NTM: variants seen among roughly 807,000 people sequenced by gnomAD.
NTM encodes the protein IgLON family member 2.
Under a neutral mutation model 42.1 loss-of-function variants are expected in NTM, and 13 were observed. The observed-to-expected ratio is 0.31, with a 90% CI of 0.20 to 0.49. The LOEUF (loss-of-function observed/expected upper bound fraction) is 0.49. Ranked by LOEUF, NTM falls within the 20% of genes least tolerant of loss-of-function variation. The probability of loss-of-function intolerance (pLI) is 0.99; values close to 1 mark genes in which losing one functional copy is unlikely to be tolerated. For synonymous variants in NTM, 187 were observed against 179.2 expected, an observed-to-expected ratio of 1.04 and a Z score of -0.35; for missense variants, 373 against 452.8, an observed-to-expected ratio of 0.82 and a Z score of 1.60.
At chr11:132,200,898 A>G (rs2138455466) in intron 3 of NTM, among the ~76,000 whole-genome samples, 1 of 152,336 alleles carries the variant, frequency 6.6e-6, no homozygotes, top group East Asian at 1.9e-4. Context: ...TGACCTATAC[A>G]TACATACTTA....
At chr11:131,916,424 G>A (rs538148) in intron 2 of NTM, among the ~76,000 whole-genome samples, 47,481 of 152,066 alleles carry the variant, frequency 0.31, 9,292 homozygotes, top group East Asian at 0.73. Flanking sequence ...GCATTCCATC[G>A]CGCCTCTAGA....
intron 1 of NTM, among the ~76,000 whole-genome samples, chr11:131,633,690 T>C (rs1175555264): frequency 5.6e-5 from 6 of 107,688 alleles, no homozygotes; most frequent in Admixed American, 9.5e-5. Flanking sequence ...TCTCTCTCTC[T>C]CTCCCTCCCT....
intron 2 of NTM, among the ~76,000 whole-genome samples, chr11:131,925,601 T>C (rs2057840309): frequency 6.6e-6 from 1 of 151,816 alleles, no homozygotes; most frequent in South Asian, 2.1e-4. Flanking sequence ...GCCGAGGAGG[T>C]CTCAGACTCC....
intron 1 of NTM, among the ~76,000 whole-genome samples, chr11:131,883,884 GC>G (rs2049945708): frequency 6.6e-6 from 1 of 152,288 alleles, no homozygotes; most frequent in East Asian, 1.9e-4. Context: ...TGGCCAGATG[GC>G]ATTGAATGGG....
chr11:131,750,841 C>G (rs2082400292), intron 1 of NTM, among the ~76,000 whole-genome samples: 2 of 152,148 alleles, frequency 1.3e-5, no homozygotes, highest in African/African-American at 4.8e-5. Flanking sequence ...CTAAGCGCTT[C>G]CCAGGCCTTG....
At chr11:131,467,054 G>A (rs540106000) in intron 1 of NTM, among the ~76,000 whole-genome samples, 11 of 152,312 alleles carry the variant, frequency 7.2e-5, no homozygotes, top group South Asian at 4.1e-4. Flanking sequence ...GGCGTACAGG[G>A]ACTCTGAAGA....
chr11:132,207,605 T>C (rs1035661554), intron 3 of NTM, among the ~76,000 whole-genome samples: 1 of 152,216 alleles, frequency 6.6e-6, no homozygotes, highest in Non-Finnish European at 1.5e-5. Flanking sequence ...TTATCTTCCA[T>C]GAAACCTGTC....
At chr11:131,654,991 C>T (rs1015671702) in intron 1 of NTM, among the ~76,000 whole-genome samples, 13 of 152,184 alleles carry the variant, frequency 8.5e-5, no homozygotes, top group Non-Finnish European at 1.8e-4. Flanking sequence ...TGTACTCAAT[C>T]GGAAATGCTG....
At chr11:132,010,479 A>G (rs1037589476) in intron 2 of NTM, among the ~76,000 whole-genome samples, 5 of 152,166 alleles carry the variant, frequency 3.3e-5, no homozygotes, top group Non-Finnish European at 7.3e-5. Context: ...GACCTCTGCT[A>G]TACTTCTTTG....
intron 1 of NTM, among the ~76,000 whole-genome samples, chr11:131,810,914 T>A (rs940373537): frequency 6.6e-6 from 1 of 152,184 alleles, no homozygotes; most frequent in African/African-American, 2.4e-5. Flanking sequence ...GATACACTGG[T>A]GTGTTGCAGT....
chr11:131,722,061 C>A (rs2078426464), intron 1 of NTM, among the ~76,000 whole-genome samples: 1 of 120,270 alleles, frequency 8.3e-6, no homozygotes, highest in Admixed American at 8.0e-5. Context: ...AAGCAACAAA[C>A]ACAATGCTTG....
rs1461631602 is a variant in NTM at position 131,448,043 on chromosome 11, C to T, written c.82+77155C>T. On this transcript the variant is annotated intron_variant, in intron 1 of 8. Coordinates refer to ENST00000683400, the MANE Select transcript of NTM (RefSeq NM_001352005.2). ...GTGGCTTGGAGGGTTGCACCCCCAC[C>T]CTGCCCTGCTGCCAGACCACATCTG... Among the ~76,000 whole-genome samples, 4 of 152,352 alleles carry T rather than the reference C, an allele frequency of 2.6e-5. No homozygotes were observed. In the East Asian group the frequency reaches 7.7e-4, roughly 29 times the overall value.
At chr11:131,725,167 A>T (rs1232943898) in intron 1 of NTM, among the ~76,000 whole-genome samples, 1 of 152,232 alleles carries the variant, frequency 6.6e-6, no homozygotes, top group Non-Finnish European at 1.5e-5. Context: ...GCAGTACTTC[A>T]CCAACAAGGG....
chr11:131,828,766 C>A (rs2042444265), intron 1 of NTM, among the ~76,000 whole-genome samples: 1 of 152,150 alleles, frequency 6.6e-6, no homozygotes, highest in Admixed American at 6.6e-5. Flanking sequence ...TTTGTTCCCT[C>A]TTTTCTTCTC....
intron 2 of NTM, among the ~76,000 whole-genome samples, chr11:132,052,506 G>T (rs914253396): frequency 6.6e-6 from 1 of 152,208 alleles, no homozygotes; most frequent in Non-Finnish European, 1.5e-5. Flanking sequence ...GGAAGAGGGA[G>T]AGTGAGATTC....
chr11:131,380,746 C>T (rs764121512), intron 1 of NTM, among the ~76,000 whole-genome samples: 1 of 152,096 alleles, frequency 6.6e-6, no homozygotes, highest in Non-Finnish European at 1.5e-5. Flanking sequence ...GGGAGGAAGA[C>T]CTGAGATCCC....
At chr11:131,583,038 C>A (rs1041376698) in intron 1 of NTM, among the ~76,000 whole-genome samples, 1 of 152,230 alleles carries the variant, frequency 6.6e-6, no homozygotes, top group African/African-American at 2.4e-5. Flanking sequence ...TCTTTTCACA[C>A]ACGGGTAGCG....
At chr11:131,777,079 G>A (rs1565533878) in intron 1 of NTM, 9 of 955,698 alleles carry the variant, frequency 9.4e-6, no homozygotes, top group Non-Finnish European at 8.7e-6. Flanking sequence ...TAGAAAAGGT[G>A]TTGGAAGAAA....
intron 2 of NTM, among the ~76,000 whole-genome samples, chr11:132,069,292 G>T (rs1241785944): frequency 1.3e-5 from 2 of 148,852 alleles, no homozygotes; most frequent in Non-Finnish European, 3.0e-5. Flanking sequence ...ACTCAGCCAA[G>T]TTAACACGTC....
Sources: allele counts gnomAD v4.1 joint callset (sites outside exome capture counted in the v4.1 genomes callset), GRCh38; gene constraint gnomAD v4.1.1; transcripts MANE v1.5; gene names NCBI Gene and HGNC (gene_info 2026-07-23, HGNC 2026-07-21).